LINGO2: variants seen among roughly 807,000 people sequenced by gnomAD.
LINGO2 encodes leucine rich repeat and Ig domain containing 2.
LINGO2 carries 14 observed loss-of-function variants against 30.6 expected under a neutral mutation model. That is an observed-to-expected ratio of 0.46 (90% confidence interval 0.30 to 0.72). The LOEUF is 0.72. Among genes scored for constraint, LINGO2 ranks in the 30% least tolerant of loss-of-function variants. The probability of loss-of-function intolerance (pLI) is 0.07; values close to 1 mark genes in which losing one functional copy is unlikely to be tolerated. For synonymous variants in LINGO2, 317 were observed against 288.5 expected (o/e 1.10, Z -1.00); for missense variants, 729 against 751.7 (o/e 0.97, Z 0.35).
At chr9:28,711,462 T>C in the LINGO2 span, among the ~76,000 whole-genome samples, 1 of 152,264 alleles carries the variant, frequency 6.6e-6, no homozygotes, top group South Asian at 2.1e-4. Context: ...GTATTCCCTC[T>C]CATGATCCCT....
intron 4 of LINGO2, among the ~76,000 whole-genome samples, chr9:28,079,615 T>C (rs1024450912): frequency 5.9e-5 from 9 of 152,198 alleles, no homozygotes; most frequent in African/African-American, 2.2e-4. Flanking sequence ...TATAAAAAGA[T>C]ACCTGCAATT....
At chr9:29,009,349 AATC>A in the LINGO2 span, among the ~76,000 whole-genome samples, 1 of 152,200 alleles carries the variant, frequency 6.6e-6, no homozygotes, top group Non-Finnish European at 1.5e-5. Context: ...CAGGATAAAA[AATC>A]AACGTGCAAA....
intron 3 of LINGO2, among the ~76,000 whole-genome samples, chr9:28,350,649 C>A (rs1481002482): frequency 1.3e-5 from 2 of 151,614 alleles, no homozygotes; most frequent in East Asian, 3.9e-4. Flanking sequence ...ACCAAGCGGA[C>A]CTAATAGGCA....
At chr9:29,060,662 G>C in the LINGO2 span, among the ~76,000 whole-genome samples, 330 of 151,946 alleles carry the variant, frequency 2.2e-3, 3 homozygotes, top group African/African-American at 7.5e-3. Context: ...TGGAAAGATA[G>C]TTCATAGGAA....
intron 4 of LINGO2, among the ~76,000 whole-genome samples, chr9:28,016,024 G>A (rs59273631): frequency 0.12 from 16,642 of 144,536 alleles, 1,085 homozygotes; most frequent in South Asian, 0.21. Flanking sequence ...AGATACCTCA[G>A]GGATATATTA....
chr9:29,211,301 T>C, the LINGO2 span, among the ~76,000 whole-genome samples: 9 of 152,266 alleles, frequency 5.9e-5, no homozygotes, highest in African/African-American at 2.2e-4. Context: ...TATTTATTTA[T>C]CTATTGCTTA....
chr9:29,017,743 A>T, the LINGO2 span, among the ~76,000 whole-genome samples: 2 of 152,076 alleles, frequency 1.3e-5, no homozygotes, highest in Non-Finnish European at 2.9e-5. Flanking sequence ...GGTAAGTGAG[A>T]ACCCACAGGA....
At chr9:28,044,839 C>A (rs1248329226) in intron 4 of LINGO2, among the ~76,000 whole-genome samples, 1 of 152,096 alleles carries the variant, frequency 6.6e-6, no homozygotes, top group African/African-American at 2.4e-5. Context: ...GAAGAGAAAG[C>A]TGAAAGTGCA....
the LINGO2 span, among the ~76,000 whole-genome samples, chr9:28,911,880 A>T: frequency 1.3e-5 from 2 of 152,084 alleles, no homozygotes; most frequent in Non-Finnish European, 2.9e-5. Flanking sequence ...AATTACTTTA[A>T]AAGTCATATT....
the LINGO2 span, among the ~76,000 whole-genome samples, chr9:28,844,864 C>T: frequency 6.6e-6 from 1 of 151,848 alleles, no homozygotes; most frequent in African/African-American, 2.4e-5. Flanking sequence ...CACTTCAAGG[C>T]TGGTTGAAGC....
At chr9:28,929,428 G>A in the LINGO2 span, among the ~76,000 whole-genome samples, 1 of 152,364 alleles carries the variant, frequency 6.6e-6, no homozygotes, top group South Asian at 2.1e-4. Flanking sequence ...CAACTGGGCT[G>A]AGGAGAGAGG....
intron 4 of LINGO2, among the ~76,000 whole-genome samples, chr9:28,030,246 A>G (rs555062873): frequency 1.8e-4 from 27 of 152,248 alleles, no homozygotes; most frequent in African/African-American, 4.3e-4. Flanking sequence ...ACATGAGAAA[A>G]CACTTCTTAA....
chr9:28,678,652 T>A, the LINGO2 span, among the ~76,000 whole-genome samples: 1 of 152,166 alleles, frequency 6.6e-6, no homozygotes, highest in African/African-American at 2.4e-5. Context: ...TTGTGAGGAC[T>A]GAGTTTATAC....
At chr9:28,789,925 T>C in the LINGO2 span, among the ~76,000 whole-genome samples, 1,054 of 152,294 alleles carry the variant, frequency 6.9e-3, 13 homozygotes, top group African/African-American at 0.024. Flanking sequence ...CTTTGACTAC[T>C]AGAATAATTT....
intron 1 of LINGO2, among the ~76,000 whole-genome samples, chr9:28,625,925 T>C (rs1236983388): frequency 6.6e-6 from 1 of 152,146 alleles, no homozygotes; most frequent in African/African-American, 2.4e-5. Flanking sequence ...AGACATACAC[T>C]TTGAGTTTTC....
the LINGO2 span, among the ~76,000 whole-genome samples, chr9:28,929,746 G>A: frequency 3.9e-5 from 6 of 152,068 alleles, no homozygotes; most frequent in East Asian, 3.9e-4. Flanking sequence ...AATGGTCTAC[G>A]TTAATATTTT....
chr9:28,870,133 T>C, the LINGO2 span, among the ~76,000 whole-genome samples: 1 of 152,020 alleles, frequency 6.6e-6, no homozygotes, highest in Non-Finnish European at 1.5e-5. Flanking sequence ...ATTGAAATGG[T>C]ACACAATTTT....
the LINGO2 span, among the ~76,000 whole-genome samples, chr9:28,972,914 C>T: frequency 6.6e-6 from 1 of 152,102 alleles, no homozygotes; most frequent in Non-Finnish European, 1.5e-5. Context: ...CCAGGTCCCT[C>T]CCACAACACG....
At chr9:28,290,783 T>C (rs1385829188) in intron 4 of LINGO2, among the ~76,000 whole-genome samples, 2 of 152,136 alleles carry the variant, frequency 1.3e-5, no homozygotes, top group East Asian at 3.9e-4. Flanking sequence ...CTGAACATCA[T>C]TTCCTGAGGA....
Sources: allele counts gnomAD v4.1 joint callset (sites outside exome capture counted in the v4.1 genomes callset), GRCh38; gene constraint gnomAD v4.1.1; transcripts MANE v1.5; gene names NCBI Gene and HGNC (gene_info 2026-07-23, HGNC 2026-07-21).